The following CSMD1 variants were observed in gnomAD, a reference collection of about 807,000 sequenced individuals.
CSMD1 encodes the protein CUB and Sushi multiple domains 1.
CSMD1 carries 213 observed loss-of-function variants against 417.5 expected under a neutral mutation model. The ratio of observed to expected loss-of-function variants is 0.51; its 90% CI spans 0.46 to 0.57. The LOEUF (loss-of-function observed/expected upper bound fraction) is 0.57. Among genes scored for constraint, CSMD1 ranks in the 20% least tolerant of loss-of-function variants. The pLI, the probability that CSMD1 is intolerant of heterozygous loss-of-function variation, is 0.00. For missense variants in CSMD1, 6,923 were observed against 4,529.7 expected, an observed-to-expected ratio of 1.53 and a Z score of -15.17; for synonymous variants, 2,862 against 1,736.8, an observed-to-expected ratio of 1.65 and a Z score of -16.11.
intron 50 of CSMD1, among the ~76,000 whole-genome samples, chr8:3,039,166 G>A (rs1044377503): frequency 4.6e-5 from 7 of 151,600 alleles, no homozygotes; most frequent in African/African-American, 1.7e-4. Context: ...TGAATTACAA[G>A]AAGGTATATT....
chr8:3,431,785 C>G (rs1376145454), intron 12 of CSMD1, among the ~76,000 whole-genome samples: 1 of 152,166 alleles, frequency 6.6e-6, no homozygotes, highest in Non-Finnish European at 1.5e-5. Context: ...AAATTTGCTC[C>G]TATTTATTCA....
rs566858223 is a variant in CSMD1 at position 3,586,757 on chromosome 8, A to G, written c.1098-497T>C. 1.2e-4 allele frequency among the ~76,000 whole-genome samples: 18 copies of G among 152,314 alleles called. No individual in the cohort carries two copies. The East Asian group carries it at 3.5e-3, about 29-fold the overall frequency. On this transcript the variant is annotated intron_variant, in intron 8 of 69. Coordinates refer to ENST00000635120, the MANE Select transcript of CSMD1 (RefSeq NM_033225.6). ...TTTAAAAGAAAGCTAGTGATATTTCAGAAATTCTTATAGGAACAGAATATT... is the reference window on the plus strand; with the variant it reads ...TTTAAAAGAAAGCTAGTGATATTTCGGAAATTCTTATAGGAACAGAATATT...
chr8:4,199,392 G>A (rs760392752), intron 3 of CSMD1, among the ~76,000 whole-genome samples: 2 of 152,166 alleles, frequency 1.3e-5, no homozygotes, highest in Admixed American at 6.5e-5. Context: ...GTGGTGGAGT[G>A]AAAAGAATGG....
intron 1 of CSMD1, among the ~76,000 whole-genome samples, chr8:4,946,075 G>C (rs548768329): frequency 1.3e-5 from 2 of 152,110 alleles, no homozygotes; most frequent in African/African-American, 2.4e-5. Flanking sequence ...CGCTGGCAAC[G>C]AAAGTCCACT....
chr8:3,188,099 T>C (rs1454126900), intron 35 of CSMD1, 134 bp from the exon 36 acceptor site: 3 of 298,566 alleles, frequency 1.0e-5, no homozygotes, highest in Non-Finnish European at 1.2e-5. Flanking sequence ...TATATATATA[T>C]ACATATACAC....
At chr8:3,741,580 T>G (rs767006115) in intron 6 of CSMD1, among the ~76,000 whole-genome samples, 3 of 152,214 alleles carry the variant, frequency 2.0e-5, no homozygotes, top group Non-Finnish European at 4.4e-5. Context: ...ACTTCAAGAT[T>G]AACTGTTTGT....
intron 5 of CSMD1, among the ~76,000 whole-genome samples, chr8:3,857,058 CACTT>C (rs1268193105): frequency 6.6e-6 from 1 of 151,934 alleles, no homozygotes; most frequent in African/African-American, 2.4e-5. Flanking sequence ...GTATATCCCA[CACTT>C]ACTTCAGGAA....
rs1015870547 is a variant in CSMD1 at position 3,356,360 on chromosome 8, C to G, written c.3304+2792G>C. On this transcript the variant is annotated intron_variant, in intron 21 of 69. Transcript: ENST00000635120. ...AGACCACTGTAAAGGAGCCAGCAGT[C>G]TGAGGAGGGAGACAAAGAGATGAAG... Among the ~76,000 whole-genome samples the G allele has an allele frequency of 2.0e-5, 3 of 152,272 alleles. No individual in the cohort carries two copies. In the East Asian group the frequency reaches 5.8e-4, roughly 29 times the overall value.
At chr8:3,877,334 A>G (rs1563169016) in intron 5 of CSMD1, among the ~76,000 whole-genome samples, 1 of 152,172 alleles carries the variant, frequency 6.6e-6, no homozygotes. Context: ...AGCTGTGTCC[A>G]TGATGGGGGA....
chr8:3,905,465 C>T (rs75134763), intron 5 of CSMD1, among the ~76,000 whole-genome samples: 1 of 152,200 alleles, frequency 6.6e-6, no homozygotes, highest in Non-Finnish European at 1.5e-5. Context: ...AACACGGGTC[C>T]AATGACGGTG....
rs146761538 is a variant in CSMD1, at chr8:4,459,410, G to A, written c.303-39345C>T. On this transcript the variant is annotated intron_variant, in intron 2 of 69. Transcript: ENST00000635120. ...TGTCAGTCCAGCAGAAGCTGAGAGT[G>A]TCTCTGCCCCACGTCTGAAGCAGTG... Among the ~76,000 whole-genome samples the A allele has an allele frequency of 1.5e-3, 222 of 152,346 alleles. 1 individual carries two copies. The highest frequency in any genetic ancestry group is 5.2e-3 in the African/African-American group (216 of 41,578).
At chr8:3,225,581 C>T (rs1381744285) in intron 27 of CSMD1, among the ~76,000 whole-genome samples, 1 of 152,062 alleles carries the variant, frequency 6.6e-6, no homozygotes, top group East Asian at 1.9e-4. Flanking sequence ...CTACTGCACA[C>T]AGGTTTTGTA....
At chr8:3,328,050 A>G (rs907785407) in intron 23 of CSMD1, among the ~76,000 whole-genome samples, 1 of 152,204 alleles carries the variant, frequency 6.6e-6, no homozygotes, top group African/African-American at 2.4e-5. Context: ...GTCCGTCTAA[A>G]GCAGGTAAAG....
At chr8:4,845,716 C>A (rs955097995) in intron 1 of CSMD1, among the ~76,000 whole-genome samples, 2 of 152,076 alleles carry the variant, frequency 1.3e-5, no homozygotes, top group South Asian at 2.1e-4. Context: ...TGCTGTTTGC[C>A]GAAAGCACAG....
At chr8:3,073,015 T>C (rs1199750534) in intron 49 of CSMD1, among the ~76,000 whole-genome samples, 1 of 152,222 alleles carries the variant, frequency 6.6e-6, no homozygotes, top group Non-Finnish European at 1.5e-5. Context: ...ATTAATTTTT[T>C]CCACTCTTTT....
chr8:3,930,848 T>A (rs966695708), intron 5 of CSMD1, among the ~76,000 whole-genome samples: 1 of 150,632 alleles, frequency 6.6e-6, no homozygotes, highest in Non-Finnish European at 1.5e-5. Flanking sequence ...GTAATAGATA[T>A]CTTAATAGTT....
intron 2 of CSMD1, among the ~76,000 whole-genome samples, chr8:4,456,288 T>A (rs905714246): frequency 6.6e-6 from 1 of 152,048 alleles, no homozygotes; most frequent in African/African-American, 2.4e-5. Context: ...ATCTAAAAGC[T>A]GAAGACAATT....
At chr8:3,488,114 T>C (rs1481118747) in intron 11 of CSMD1, among the ~76,000 whole-genome samples, 5 of 151,700 alleles carry the variant, frequency 3.3e-5, no homozygotes. Flanking sequence ...TTATTATTTT[T>C]CTTTTTGAAA....
intron 1 of CSMD1, among the ~76,000 whole-genome samples, chr8:4,841,469 T>C (rs1800831120): frequency 6.6e-6 from 1 of 152,126 alleles, no homozygotes; most frequent in Non-Finnish European, 1.5e-5. Context: ...ACGAATAAAC[T>C]AGCAAAGGAA....
Sources: allele counts gnomAD v4.1 joint callset (sites outside exome capture counted in the v4.1 genomes callset), GRCh38; gene constraint gnomAD v4.1.1; transcripts MANE v1.5; gene names NCBI Gene and HGNC (gene_info 2026-07-23, HGNC 2026-07-21).